The following PRDM16 variants were observed in gnomAD, a reference collection of about 807,000 sequenced individuals.
PRDM16 encodes histone-lysine N-methyltransferase PRDM16.
In PRDM16, 23 loss-of-function variants were observed where a neutral mutation model predicts 110.6. That is an observed-to-expected ratio of 0.21 (90% CI 0.15 to 0.29). The LOEUF (loss-of-function observed/expected upper bound fraction) is 0.29. Among genes scored for constraint, PRDM16 ranks in the 10% least tolerant of loss-of-function variants. The pLI is 1.00. For synonymous variants in PRDM16, 799 were observed against 781.8 expected (o/e 1.02, Z -0.37); for missense variants, 1,615 against 1,794.3 (o/e 0.90, Z 1.81).
intron 2 of PRDM16, among the ~76,000 whole-genome samples, chr1:3,194,681 T>TCGC (rs745701400): frequency 2.0e-5 from 2 of 99,050 alleles, no homozygotes; most frequent in Non-Finnish European, 4.1e-5. Context: ...CACCGTCTGA[T>TCGC]CGCCACACGC....
In PRDM16 at chr1:3,258,831, C is replaced by T. The variant is rs7552971; in HGVS notation, c.438+14694C>T. On this transcript the variant is annotated intron_variant, in intron 3 of 16. Coordinates refer to ENST00000270722, the MANE Select transcript of PRDM16 (RefSeq NM_022114.4). ...CTTCTGCCGGGGAACAGGCTCCCTGCTCGAGCCAGGCCAGGGCTTTCTTCT... is the reference window on the plus strand; with the variant it reads ...CTTCTGCCGGGGAACAGGCTCCCTGTTCGAGCCAGGCCAGGGCTTTCTTCT... Among the ~76,000 whole-genome samples the T allele has an allele frequency of 2.4e-3, 364 of 152,352 alleles. 1 individual carries two copies. The highest frequency in any genetic ancestry group is 3.7e-3 in the Non-Finnish European group (254 of 68,038).
At chr1:3,405,188 C>G (rs570451289) in intron 7 of PRDM16, among the ~76,000 whole-genome samples, 15 of 152,310 alleles carry the variant, frequency 9.8e-5, no homozygotes, top group Admixed American at 2.6e-4. Context: ...TGAGCCGAGC[C>G]TCCACCCCGA....
chr1:3,286,982 C>T (rs1640859676), intron 3 of PRDM16, among the ~76,000 whole-genome samples: 1 of 150,448 alleles, frequency 6.6e-6, no homozygotes, highest in African/African-American at 2.5e-5. Flanking sequence ...GTCTGCCCAA[C>T]CTTCCTGGGT....
Position 3,238,748 on chromosome 1 carries a change from C to T in PRDM16, c.388-5339C>T, listed in dbSNP as rs535620365. 4.6e-3 allele frequency among the ~76,000 whole-genome samples: 693 copies of T among 152,158 alleles called. 3 individuals carry two copies. The highest frequency in any genetic ancestry group is 0.01 in the Middle Eastern group (3 of 294). On this transcript the variant is annotated intron_variant, in intron 2 of 16. Transcript: ENST00000270722. Reference sequence around the variant, plus strand: ...CTGGCCGGGGTTCAGGTGCAAGTCCCGGGTGGAAGGGCCTGGCGTGTGTCT... The same window carrying T: ...CTGGCCGGGGTTCAGGTGCAAGTCCTGGGTGGAAGGGCCTGGCGTGTGTCT...
chr1:3,367,633 G>T lies in PRDM16; in HGVS notation c.439-17519G>T, dbSNP rs960350724. On this transcript the variant is annotated intron_variant, in intron 3 of 16. Transcript: ENST00000270722. ...ACACGTGCGGTCCTGTGGTTCCCTAGGTTCACAAGGAGAACTTCTTCCCCG... is the reference window on the plus strand; with the variant it reads ...ACACGTGCGGTCCTGTGGTTCCCTATGTTCACAAGGAGAACTTCTTCCCCG... Among the ~76,000 whole-genome samples, 11 of 152,178 alleles carry T rather than the reference G, an allele frequency of 7.2e-5. No homozygotes were observed. In the East Asian group the frequency reaches 2.1e-3, roughly 29 times the overall value.
At chr1:3,299,026 G>A (rs530092202) in intron 3 of PRDM16, among the ~76,000 whole-genome samples, 1 of 152,296 alleles carries the variant, frequency 6.6e-6, no homozygotes, top group East Asian at 1.9e-4. Context: ...TTTGTCCTCG[G>A]ACCAGCACTA....
chr1:3,426,231 A>G lies in PRDM16; in HGVS notation c.3284+6A>G, dbSNP rs1315060187. On this transcript the variant is annotated splice_donor_region_variant and intron_variant, in intron 14 of 16. Transcript: ENST00000270722. ...TCAACGCGAACAGAGAAACGGTAAG[A>G]AAACTATCGCGGGCTGGGGAAAGTC... The G allele has an allele frequency of 6.2e-7, 1 of 1,611,678 alleles. No homozygotes were observed. Among genetic ancestry groups the G allele is most frequent in the South Asian group, 1.1e-5 (1 of 90,964 alleles).
intron 3 of PRDM16, among the ~76,000 whole-genome samples, chr1:3,340,235 C>G (rs1229586980): frequency 6.6e-6 from 1 of 152,040 alleles, no homozygotes; most frequent in Non-Finnish European, 1.5e-5. Context: ...CACACTGTAC[C>G]CCCTAAATCC....
At chr1:3,219,307 CTG>C (rs1188685347) in intron 2 of PRDM16, among the ~76,000 whole-genome samples, 1 of 152,246 alleles carries the variant, frequency 6.6e-6, no homozygotes, top group Non-Finnish European at 1.5e-5. Flanking sequence ...ATGTTTCACA[CTG>C]TGTCGGCGAG....
At chr1:3,383,669 G>A (rs1027783332) in intron 3 of PRDM16, among the ~76,000 whole-genome samples, 6 of 152,090 alleles carry the variant, frequency 3.9e-5, no homozygotes, top group Admixed American at 6.6e-5. Flanking sequence ...CACCAGGCCC[G>A]AAATGGCTAG....
chr1:3,334,790 A>G (rs1642111615), intron 3 of PRDM16, among the ~76,000 whole-genome samples: 1 of 152,162 alleles, frequency 6.6e-6, no homozygotes, highest in Middle Eastern at 3.2e-3. Context: ...AGAGCAAACG[A>G]ACACTCACCC....
chr1:3,297,708 G>C (rs995166884), intron 3 of PRDM16, among the ~76,000 whole-genome samples: 4 of 152,184 alleles, frequency 2.6e-5, no homozygotes, highest in African/African-American at 9.7e-5. Flanking sequence ...GCACCAGGCC[G>C]ACTCCTGCCC....
At chr1:3,276,623 T>TGC (rs1170968584) in intron 3 of PRDM16, among the ~76,000 whole-genome samples, 2 of 142,300 alleles carry the variant, frequency 1.4e-5, no homozygotes, top group Admixed American at 7.1e-5. Flanking sequence ...CCAGGGAAGC[T>TGC]GCAGGGCCTT....
intron 3 of PRDM16, among the ~76,000 whole-genome samples, chr1:3,336,351 T>C (rs1403639693): frequency 6.6e-6 from 1 of 152,226 alleles, no homozygotes. Context: ...CACATGTGTG[T>C]GTGCATGTGG....
At chr1:3,233,334 G>A (rs562682031) in intron 2 of PRDM16, among the ~76,000 whole-genome samples, 6 of 152,354 alleles carry the variant, frequency 3.9e-5, no homozygotes, top group South Asian at 2.1e-4. Flanking sequence ...TCTTTCAGAT[G>A]TGAGTCGGGA....
intron 1 of PRDM16, among the ~76,000 whole-genome samples, chr1:3,183,864 C>T (rs984861953): frequency 6.6e-6 from 1 of 152,218 alleles, no homozygotes; most frequent in African/African-American, 2.4e-5. Context: ...TCCTACTTGT[C>T]CTTCGGGCAG....
rs1202467729 is a variant in PRDM16 at position 3,243,413 on chromosome 1, G to T, written c.388-674G>T. Among the ~76,000 whole-genome samples, 1 of 148,486 alleles carries T rather than the reference G, an allele frequency of 6.7e-6. No homozygotes were observed. Among genetic ancestry groups the T allele is most frequent in the East Asian group, 1.9e-4 (1 of 5,144 alleles). On this transcript the variant is annotated intron_variant, in intron 2 of 16. Coordinates refer to ENST00000270722, the MANE Select transcript of PRDM16 (RefSeq NM_022114.4). This position sits in a 1 kb window ranked among gnomAD's most constrained non-coding sequence, Gnocchi z 5.5. ...AAGAGGAAGCAGAGAAATGGCATGAGCTCCCTCTCCCTCCAGCACCCACCA... is the reference window on the plus strand; with the variant it reads ...AAGAGGAAGCAGAGAAATGGCATGATCTCCCTCTCCCTCCAGCACCCACCA...
chr1:3,248,820 CT>C (rs1484854962), intron 3 of PRDM16, among the ~76,000 whole-genome samples: 1 of 152,224 alleles, frequency 6.6e-6, no homozygotes, highest in East Asian at 1.9e-4. Context: ...CTGGGCTGTT[CT>C]GTGGGCGTTT....
intron 3 of PRDM16, among the ~76,000 whole-genome samples, chr1:3,376,176 C>A (rs1380659701): frequency 6.6e-6 from 1 of 152,108 alleles, no homozygotes; most frequent in African/African-American, 2.4e-5. Flanking sequence ...GGTCTGTGAC[C>A]CCTGGGGGCT....
Sources: gnomAD v4.1 joint callset for allele counts (sites outside exome capture counted in the v4.1 genomes callset) on GRCh38, gnomAD v4.1.1 for gene constraint, Gnocchi (gnomAD v3.1) non-coding constraint, MANE v1.5 for transcripts, NCBI Gene and HGNC (gene_info 2026-07-23, HGNC 2026-07-21) for gene names.